PNLIPRP3: variants seen among roughly 807,000 people sequenced by gnomAD.
PNLIPRP3 encodes pancreatic lipase related protein 3.
Under a neutral mutation model 52.8 loss-of-function variants are expected in PNLIPRP3, and 58 were observed. The observed-to-expected ratio is 1.10, with a 90% CI of 0.89 to 1.37. The LOEUF (loss-of-function observed/expected upper bound fraction) is 1.37. Among genes scored for constraint, PNLIPRP3 ranks in the 40% most tolerant of loss-of-function variants. The pLI is 0.00. For missense variants in PNLIPRP3, 593 were observed against 561.6 expected, an observed-to-expected ratio of 1.06 and a Z score of -0.57; for synonymous variants, 192 against 185.0, an observed-to-expected ratio of 1.04 and a Z score of -0.31.
chr10:116,431,041 G>A (rs115556684), intron 1 of PNLIPRP3, among the ~76,000 whole-genome samples: 1,708 of 152,204 alleles, frequency 0.011, 39 homozygotes, highest in African/African-American at 0.039. Context: ...AGATGCTCTG[G>A]CCAAAACACC....
At chr10:116,456,437 CAT>C (rs1202987992) in intron 5 of PNLIPRP3, among the ~76,000 whole-genome samples, 2 of 152,294 alleles carry the variant, frequency 1.3e-5, no homozygotes, top group South Asian at 2.1e-4. Flanking sequence ...CAAAATACCA[CAT>C]GTGCCCCCAA....
intron 1 of PNLIPRP3, among the ~76,000 whole-genome samples, chr10:116,430,903 G>A (rs1336327397): frequency 6.6e-6 from 1 of 152,058 alleles, no homozygotes; most frequent in Non-Finnish European, 1.5e-5. Flanking sequence ...TGGAATCCCA[G>A]TCTCGTATAT....
chr10:116,444,377 G>A lies in PNLIPRP3; in HGVS notation c.325-5G>A. 1 of 1,600,746 alleles carries A rather than the reference G, an allele frequency of 6.2e-7. No individual in the cohort carries two copies. Among genetic ancestry groups the A allele is most frequent in the Non-Finnish European group, 8.5e-7 (1 of 1,173,128 alleles). On this transcript the variant is annotated splice_region_variant and splice_polypyrimidine_tract_variant and intron_variant, in intron 3 of 11. Transcript: ENST00000369230. ...ATTTAATATTTATATAAATCTTTGT[G>A]CCAGGTGTTGCTACAGCTGGAAGAT...
chr10:116,444,232 A>T (rs964483033), intron 3 of PNLIPRP3, 150 bp from the exon 4 acceptor site: 1 of 621,038 alleles, frequency 1.6e-6, no homozygotes, highest in Admixed American at 3.4e-5. Flanking sequence ...GATTATGGGG[A>T]TTACAAATCA....
At chr10:116,454,387 G>A (rs1194315083) in intron 4 of PNLIPRP3, among the ~76,000 whole-genome samples, 1 of 152,150 alleles carries the variant, frequency 6.6e-6, no homozygotes, top group Non-Finnish European at 1.5e-5. Flanking sequence ...CAAAGTGCTG[G>A]GATTACAGGC....
At position 116,477,028 on chromosome 10, in the gene PNLIPRP3, G is replaced by A. The variant is rs372176276; in HGVS notation, c.1341-62G>A. 158 of 1,374,992 alleles carry A rather than the reference G, an allele frequency of 1.1e-4. 2 individuals carry two copies. The South Asian group carries it at 1.3e-3, about 11-fold the overall frequency. The allele number at this position is 1,374,992 out of a possible 1,614,324, so 85.2% of individuals were successfully genotyped here. ...TACTCATTAAATCGGGGGATCTACC[G>A]TGTCTTTTTCTTCCCTGGCATCAGG... On this transcript the variant is annotated intron_variant, in intron 11 of 11. Coordinates refer to ENST00000369230, the MANE Select transcript of PNLIPRP3 (RefSeq NM_001011709.3).
intron 5 of PNLIPRP3, among the ~76,000 whole-genome samples, chr10:116,459,422 C>T (rs960081334): frequency 8.5e-5 from 13 of 152,078 alleles, no homozygotes; most frequent in South Asian, 2.1e-4. Flanking sequence ...CTTCCCACTC[C>T]GGGATCCAGC....
intron 4 of PNLIPRP3, among the ~76,000 whole-genome samples, chr10:116,447,920 G>C (rs1365552264): frequency 7.4e-6 from 1 of 135,426 alleles, no homozygotes; most frequent in Non-Finnish European, 1.5e-5. Context: ...CTGGGTAACA[G>C]ACTGCACTCC....
chr10:116,437,529 CA>C (rs1400275067), intron 2 of PNLIPRP3, among the ~76,000 whole-genome samples: 4 of 152,208 alleles, frequency 2.6e-5, no homozygotes, highest in South Asian at 4.2e-4. Context: ...AAGGAGTCTT[CA>C]AAAGTAAGGT....
intron 9 of PNLIPRP3, among the ~76,000 whole-genome samples, chr10:116,470,639 AGCTGGGATTACAGGC>A (rs1846354615): frequency 6.6e-6 from 1 of 151,524 alleles, no homozygotes; most frequent in Non-Finnish European, 1.5e-5. Context: ...CCTCCCAAGT[AGCTGGGATTACAGGC>A]GCCGCCACCA....
At chr10:116,434,596 G>T (rs1024331132) in intron 1 of PNLIPRP3, among the ~76,000 whole-genome samples, 1 of 152,044 alleles carries the variant, frequency 6.6e-6, no homozygotes, top group African/African-American at 2.4e-5. Flanking sequence ...ATGGAAAAAA[G>T]AGCACAGTGG....
At chr10:116,442,723 T>C (rs1413519640) in intron 2 of PNLIPRP3, among the ~76,000 whole-genome samples, 1 of 152,046 alleles carries the variant, frequency 6.6e-6, no homozygotes, top group Non-Finnish European at 1.5e-5. Context: ...AAATTAGCCA[T>C]GTGTGGTGTC....
intron 8 of PNLIPRP3, among the ~76,000 whole-genome samples, chr10:116,466,658 G>A (rs12259442): frequency 0.043 from 6,589 of 152,208 alleles, 464 homozygotes; most frequent in African/African-American, 0.15. Flanking sequence ...GCTCTACACA[G>A]ATCAATATGT....
chr10:116,455,109 G>A (rs1669401501), intron 4 of PNLIPRP3, among the ~76,000 whole-genome samples: 1 of 152,098 alleles, frequency 6.6e-6, no homozygotes, highest in Admixed American at 6.5e-5. Flanking sequence ...ATGTTGATTT[G>A]CATTTCTCTA....
rs577803261 is a variant in PNLIPRP3 at position 116,477,407 on chromosome 10, A to G, written c.*254A>G. 6.7e-4 allele frequency: 193 copies of G among 287,850 alleles called. 2 individuals carry two copies. Among genetic ancestry groups the G allele is most frequent in the Admixed American group, 1.9e-3 (37 of 19,880 alleles). The allele number at this position is 287,850 out of a possible 1,614,324, so 17.8% of individuals were successfully genotyped here. A position where few individuals can be genotyped will look rare whatever the true frequency, so the allele number is the denominator to read the frequency against. ...GGAATCTGGATATCATTGACAAAAT[A>G]GAGCTGTTTTGGAATTTTCCTGAAT... On this transcript the variant is annotated 3_prime_UTR_variant, in exon 12 of 12. Coordinates refer to ENST00000369230, the MANE Select transcript of PNLIPRP3 (RefSeq NM_001011709.3).
chr10:116,463,806 G>A (rs578114356), intron 7 of PNLIPRP3, among the ~76,000 whole-genome samples: 37 of 151,946 alleles, frequency 2.4e-4, no homozygotes, highest in Non-Finnish European at 4.4e-4. Flanking sequence ...AATAGTCCAC[G>A]CCATTCAGTA....
At chr10:116,470,213 T>A (rs1014612346) in intron 9 of PNLIPRP3, among the ~76,000 whole-genome samples, 1 of 152,046 alleles carries the variant, frequency 6.6e-6, no homozygotes, top group African/African-American at 2.4e-5. Context: ...AGAGTGTGTG[T>A]GCACCATGAG....
At chr10:116,459,563 A>C (rs1846161406) in intron 5 of PNLIPRP3, among the ~76,000 whole-genome samples, 2 of 152,268 alleles carry the variant, frequency 1.3e-5, no homozygotes, top group Admixed American at 1.3e-4. Flanking sequence ...CTCAGCTGAC[A>C]TCTGGCTCCT....
chr10:116,427,874 T>A lies in PNLIPRP3; in HGVS notation c.-139T>A. 1.5e-6 allele frequency: 1 copy of A among 689,028 alleles called. No homozygotes were observed. Among genetic ancestry groups the A allele is most frequent in the Non-Finnish European group, 2.6e-6 (1 of 382,680 alleles). The allele number at this position is 689,028 out of a possible 1,614,324, so 42.7% of individuals were successfully genotyped here. On this transcript the variant is annotated 5_prime_UTR_variant, in exon 1 of 12. Transcript: ENST00000369230. ...TTACTTTGCAGAGCATAAGGTGGAA[T>A]AACATGTTCTTTTAAACGTAGAGTT...
Sources: gnomAD v4.1 joint callset for allele counts (sites outside exome capture counted in the v4.1 genomes callset) on GRCh38, gnomAD v4.1.1 for gene constraint, MANE v1.5 for transcripts, NCBI Gene and HGNC (gene_info 2026-07-23, HGNC 2026-07-21) for gene names.